Variants in RBM10 observed in about 807,000 individuals in gnomAD.
The protein encoded by RBM10 is RNA-binding protein 10.
In RBM10, 1 loss-of-function variant was observed where a neutral mutation model predicts 84.9. The observed-to-expected ratio is 0.01, with a 90% confidence interval of 0.00 to 0.06. The LOEUF is 0.06. Among genes scored for constraint, RBM10 ranks in the 10% least tolerant of loss-of-function variants. The probability of loss-of-function intolerance (pLI) is 1.00; values close to 1 mark genes in which losing one functional copy is unlikely to be tolerated. For synonymous variants in RBM10, 326 were observed against 344.5 expected (o/e 0.95, Z 0.60); for missense variants, 438 against 839.0 (o/e 0.52, Z 5.90).
intron 12 of RBM10, among the ~76,000 whole-genome samples, chrX:47,180,972 A>G (rs1935484749): frequency 9.0e-6 from 1 of 111,699 alleles, no homozygotes; most frequent in South Asian, 3.8e-4. Flanking sequence ...ACACAGCAGA[A>G]TCAGCAGAAT....
chrX:47,185,195 C>T lies in RBM10; in HGVS notation c.2091C>T (p.Leu697=), dbSNP rs1935814625. ...SATADAGYAI[L]EKKGALAERQ... is the part of the protein sequence containing the mutation. ...CTGCAGATGCTGGCTATGCCATCCT[C>T]GAGAAGAAGGTGTGTTGGGGCCACC... The change falls in exon 18 of 24, where the codon CTC becomes CTT. Residue 697 remains leucine (L), a synonymous_variant. Coordinates refer to ENST00000377604, the MANE Select transcript of RBM10 (RefSeq NM_005676.5). The T allele has an allele frequency of 2.5e-6, 3 of 1,212,424 alleles. No individual in the cohort carries two copies. The highest frequency in any genetic ancestry group is 3.3e-6 in the Non-Finnish European group (3 of 895,642).
At position 47,185,382 on chromosome X, in the gene RBM10, C is replaced by T. The variant is rs2147214470; in HGVS notation, c.2166+15C>T. On this transcript the variant is annotated intron_variant, in intron 19 of 23. Transcript: ENST00000377604. The stretch of plus-strand genomic sequence containing the variant: ...ACGACCGCCCAGTGAGTGCCCAAGG[C>T]AGAGAGGGGCGGGGGCTCTGATCTG... The T allele has an allele frequency of 8.4e-7, 1 of 1,189,876 alleles. No homozygotes were observed. The highest frequency in any genetic ancestry group is 1.1e-6 in the Non-Finnish European group (1 of 884,299).
chrX:47,145,991 C>T (rs1556761948), intron 1 of RBM10, among the ~76,000 whole-genome samples: 1 of 106,344 alleles, frequency 9.4e-6, no homozygotes, highest in Non-Finnish European at 1.9e-5. Context: ...TGGGGCGGGG[C>T]TTGGGGGACG....
intron 2 of RBM10, among the ~76,000 whole-genome samples, chrX:47,155,036 A>G (rs1182583398): frequency 1.9e-5 from 2 of 105,668 alleles, no homozygotes; most frequent in African/African-American, 6.9e-5. Flanking sequence ...AATCCCAGCT[A>G]CTCGGGAGGC....
chrX:47,156,060 C>T (rs943198502), intron 2 of RBM10, among the ~76,000 whole-genome samples: 11 of 110,090 alleles, frequency 1.0e-4, no homozygotes, highest in East Asian at 2.9e-4. Context: ...CTGCCTGCCT[C>T]GGCCTCCCAA....
intron 2 of RBM10, among the ~76,000 whole-genome samples, chrX:47,156,245 C>T (rs1248879588): frequency 8.9e-6 from 1 of 111,903 alleles, no homozygotes; most frequent in African/African-American, 3.2e-5. Context: ...TTTATGACTG[C>T]TGGGATTTGT....
chrX:47,185,217 C>T lies in RBM10; in HGVS notation c.2100+13C>T, dbSNP rs2147211976. On this transcript the variant is annotated intron_variant, in intron 18 of 23. Transcript: ENST00000377604. ...CCTCGAGAAGAAGGTGTGTTGGGGC[C>T]ACCCCCCTGCACCCTGCCCCACAAT... 7.4e-6 allele frequency: 9 copies of T among 1,212,261 alleles called. No homozygotes were observed. The highest frequency in any genetic ancestry group is 1.0e-5 in the Non-Finnish European group (9 of 895,455).
intron 2 of RBM10, among the ~76,000 whole-genome samples, chrX:47,159,135 C>T (rs782688578): frequency 2.7e-5 from 3 of 112,333 alleles, no homozygotes; most frequent in Non-Finnish European, 3.8e-5. Flanking sequence ...AGTGGCCAGG[C>T]GCCATGGCCC....
At chrX:47,180,148 G>A in intron 10 of RBM10, 64 bp from the exon 11 acceptor site, 1 of 1,179,057 alleles carries the variant, frequency 8.5e-7, no homozygotes, top group Non-Finnish European at 1.1e-6. Flanking sequence ...CTGGAAATCG[G>A]GCAATGGAGC....
At chrX:47,163,535 G>T (rs1211220642) in intron 2 of RBM10, among the ~76,000 whole-genome samples, 1 of 111,618 alleles carries the variant, frequency 9.0e-6, no homozygotes, top group African/African-American at 3.3e-5. Flanking sequence ...GCCCAGGCTG[G>T]TCTCAAACTC....
At chrX:47,176,147 C>T (rs1297146658) in intron 6 of RBM10, among the ~76,000 whole-genome samples, 6 of 111,106 alleles carry the variant, frequency 5.4e-5, no homozygotes, top group Non-Finnish European at 1.1e-4. Context: ...CCTCACCCCC[C>T]AAGTGTAGCC....
At chrX:47,158,805 C>T (rs782143519) in intron 2 of RBM10, among the ~76,000 whole-genome samples, 5 of 112,346 alleles carry the variant, frequency 4.5e-5, no homozygotes, top group Non-Finnish European at 9.4e-5. Context: ...GATGGTCCTT[C>T]AGCCCATGCC....
At chrX:47,182,474 C>G (rs1356341428) in intron 17 of RBM10, 148 bp downstream of exon 17, 2 of 900,321 alleles carry the variant, frequency 2.2e-6, no homozygotes, top group African/African-American at 3.9e-5. Context: ...TGCTCTTGCC[C>G]CAGCTCTGCT....
At chrX:47,183,475 C>T (rs1363758823) in intron 17 of RBM10, among the ~76,000 whole-genome samples, 5 of 109,565 alleles carry the variant, frequency 4.6e-5, no homozygotes, top group African/African-American at 1.7e-4. Context: ...GAGCTGAGAT[C>T]GTGCCATTGC....
At chrX:47,167,440 C>T (rs1445253028) in intron 2 of RBM10, among the ~76,000 whole-genome samples, 5 of 105,901 alleles carry the variant, frequency 4.7e-5, no homozygotes, top group African/African-American at 6.9e-5. Flanking sequence ...AGTGGCTCAC[C>T]GCAGCCTCCG....
intron 17 of RBM10, among the ~76,000 whole-genome samples, chrX:47,184,493 T>C (rs1325934502): frequency 8.9e-6 from 1 of 112,345 alleles, no homozygotes; most frequent in East Asian, 2.8e-4. Flanking sequence ...CACATGAACT[T>C]TGAGGGACAA....
rs781915889 is a variant in RBM10, at chrX:47,147,437, C to T, written c.-45C>T. 5.8e-6 allele frequency: 7 copies of T among 1,208,437 alleles called. No homozygotes were observed. Among genetic ancestry groups the T allele is most frequent in the Admixed American group, 2.2e-5 (1 of 45,693 alleles). ...TGGCTGGGAAGTGAAACGGAGCCAG[C>T]GGCTGAGGAGGGGCCCCAGCAGCCC... On this transcript the variant is annotated 5_prime_UTR_variant, in exon 2 of 24. Coordinates refer to ENST00000377604, the MANE Select transcript of RBM10 (RefSeq NM_005676.5).
rs2147168739 is a variant in RBM10 at position 47,179,422 on chromosome X, C to T, written c.828C>T (p.Tyr276=). The change falls in exon 9 of 24, where the codon TAC becomes TAT. Residue 276 remains tyrosine (Y), a synonymous_variant. Coordinates refer to ENST00000377604, the MANE Select transcript of RBM10 (RefSeq NM_005676.5). The part of the protein sequence containing the change: ...SQGLLPLPQP[Y]QAQGVLASQA... ...GCCTGCTTCCCCTGCCGCAGCCCTA[C>T]CAGGCCCAGGGAGTCCTGGCCTCCC... 2 of 1,203,248 alleles carry T rather than the reference C, an allele frequency of 1.7e-6. No homozygotes were observed. Among genetic ancestry groups the T allele is most frequent in the South Asian group, 1.8e-5 (1 of 56,335 alleles).
Position 47,169,550 on chromosome X carries a change from C to A in RBM10, c.201+52C>A, listed in dbSNP as rs1421686848. 25 of 1,120,685 alleles carry A rather than the reference C, an allele frequency of 2.2e-5. No homozygotes were observed. The African/African-American group carries it at 4.1e-4, about 19-fold the overall frequency. 92.4% of individuals were successfully genotyped at this position (1,120,685 alleles called of 1,213,427 possible). Reference sequence around the variant, plus strand: ...CCTGGCTGGGATGGGCTCCCAAGGGCCCTCTGTGTCTGGCTGCAGCACCGT... The same window carrying A: ...CCTGGCTGGGATGGGCTCCCAAGGGACCTCTGTGTCTGGCTGCAGCACCGT... On this transcript the variant is annotated intron_variant, in intron 3 of 23. Transcript: ENST00000377604.
Sources: allele counts gnomAD v4.1 joint callset (sites outside exome capture counted in the v4.1 genomes callset), GRCh38; gene constraint gnomAD v4.1.1; transcripts MANE v1.5; gene names NCBI Gene and HGNC (gene_info 2026-07-23, HGNC 2026-07-21).